MYH15: variants seen among roughly 807,000 people sequenced by gnomAD.
MYH15 encodes myosin-15.
In MYH15, 227 loss-of-function variants were observed where a neutral mutation model predicts 240.5. That is an observed-to-expected ratio of 0.94 (90% CI 0.85 to 1.05). MYH15 has a LOEUF of 1.05. Among genes scored for constraint, MYH15 ranks in the 50% least tolerant of loss-of-function variants. MYH15 has a pLI of 0.00. For synonymous variants in MYH15, 785 were observed against 796.7 expected (o/e 0.99, Z 0.25); for missense variants, 2,217 against 2,247.5 (o/e 0.99, Z 0.27).
intron 14 of MYH15, among the ~76,000 whole-genome samples, chr3:108,465,269 A>C (rs577412002): frequency 6.6e-6 from 1 of 152,344 alleles, no homozygotes; most frequent in East Asian, 1.9e-4. Flanking sequence ...TCTGTGCACA[A>C]GTATTCCAGG....
the MYH15 span, chr3:108,549,972 T>C: frequency 1.3e-5 from 2 of 152,024 alleles, no homozygotes; most frequent in Admixed American, 1.3e-4. Context: ...ATGTATCTCC[T>C]CTATAGAACA....
rs148423745 is a variant in MYH15 at position 108,503,617 on chromosome 3, G to C, written c.196-1762C>G. ...AAATCACATTAAAATACCACTTCAT[G>C]CCCAATAGAATGGCTGTAATCAAAA... On this transcript the variant is annotated intron_variant, in intron 2 of 40. Coordinates refer to ENST00000693548, the MANE Select transcript of MYH15 (RefSeq NM_014981.3). Among the ~76,000 whole-genome samples, 904 of 152,266 alleles carry C rather than the reference G, an allele frequency of 5.9e-3. 7 individuals are homozygous for C. Among genetic ancestry groups the C allele is most frequent in the African/African-American group, 0.021 (869 of 41,554 alleles).
chr3:108,441,148 T>C lies in MYH15; in HGVS notation c.2768A>G (p.Glu923Gly). The C allele has an allele frequency of 1.2e-6, 2 of 1,614,150 alleles. No individual in the cohort carries two copies. Among genetic ancestry groups the C allele is most frequent in the Non-Finnish European group, 1.7e-6 (2 of 1,180,000 alleles). Residue 923 changes from glutamate (E) to glycine (G), a missense_variant, in exon 23 of 41, where the codon GAG (glutamate) becomes GGG (glycine). Physicochemically the swap from Glu to Gly is moderately conservative, Grantham distance 98. Transcript: ENST00000693548. Reference protein sequence around the residue: ...ELSERVEEEEEINSELTARGR... With the variant: ...ELSERVEEEEGINSELTARGR... ...CCTGGCAGTCAGCTCAGAATTTATCTCCTCTTCTTCCTCCACCCTCTCCGA... is the reference window on the plus strand; with the variant it reads ...CCTGGCAGTCAGCTCAGAATTTATCCCCTCTTCTTCCTCCACCCTCTCCGA...
intron 27 of MYH15, among the ~76,000 whole-genome samples, chr3:108,425,869 G>A (rs2082721201): frequency 6.6e-6 from 1 of 152,222 alleles, no homozygotes; most frequent in South Asian, 2.1e-4. Context: ...AAAACAGACA[G>A]TAAAGGCAAT....
the MYH15 span, among the ~76,000 whole-genome samples, chr3:108,539,174 T>C: frequency 5.9e-5 from 9 of 152,324 alleles, no homozygotes; most frequent in African/African-American, 1.7e-4. Flanking sequence ...GTCAACTGTG[T>C]TTCAATTTAA....
At chr3:108,531,372 G>A (rs1013385849), upstream of MYH15, among the ~76,000 whole-genome samples, 3 of 152,144 alleles carry the variant, frequency 2.0e-5, no homozygotes, top group African/African-American at 7.2e-5. Context: ...GTTGTAAAGT[G>A]TCATGGTTCC....
chr3:108,390,089 T>C (rs982781528), intron 37 of MYH15, among the ~76,000 whole-genome samples: 1 of 152,202 alleles, frequency 6.6e-6, no homozygotes. Context: ...CACACAGTTC[T>C]GTCTGTCGGG....
intron 6 of MYH15, among the ~76,000 whole-genome samples, chr3:108,497,024 G>T (rs1165837699): frequency 1.3e-5 from 2 of 151,358 alleles, no homozygotes; most frequent in African/African-American, 4.8e-5. Context: ...AGCCGGGCAC[G>T]GTGGCGGGCA....
intron 27 of MYH15, among the ~76,000 whole-genome samples, chr3:108,425,516 C>T (rs1476353121): frequency 6.6e-6 from 1 of 151,638 alleles, no homozygotes; most frequent in East Asian, 1.9e-4. Flanking sequence ...GAATGGAAAA[C>T]TATGAGATGG....
chr3:108,512,175 A>G (rs1488497875), upstream of MYH15, among the ~76,000 whole-genome samples: 3 of 152,220 alleles, frequency 2.0e-5, no homozygotes, highest in East Asian at 5.8e-4. Flanking sequence ...TCTGCGGGTG[A>G]GCATTCAGAT....
chr3:108,460,378 A>G lies in MYH15; in HGVS notation c.1865-11T>C. 3.2e-6 allele frequency: 5 copies of G among 1,569,568 alleles called. No individual in the cohort carries two copies. The highest frequency in any genetic ancestry group is 4.3e-6 in the Non-Finnish European group (5 of 1,162,046). On this transcript the variant is annotated splice_polypyrimidine_tract_variant and intron_variant, in intron 16 of 40. Transcript: ENST00000693548. ...CCCCAAATGGTATAGCTAGCAAAAA[A>G]AAAAAAAGAAAAAGATGAAAACATG...
intron 1 of MYH15, among the ~76,000 whole-genome samples, chr3:108,519,671 C>A (rs2083601737): frequency 1.3e-5 from 2 of 152,144 alleles, no homozygotes; most frequent in East Asian, 3.8e-4. Flanking sequence ...ATACCACAGT[C>A]AACGGAATAA....
At chr3:108,405,540 G>T in intron 32 of MYH15, 87 bp from the exon 33 acceptor site, 1 of 777,318 alleles carries the variant, frequency 1.3e-6, no homozygotes, top group Non-Finnish European at 1.9e-6. Flanking sequence ...CGCTAATGTA[G>T]CTCTCTTAGA....
chr3:108,412,643 C>T (rs1305209247), intron 30 of MYH15, among the ~76,000 whole-genome samples: 1 of 152,126 alleles, frequency 6.6e-6, no homozygotes, highest in Non-Finnish European at 1.5e-5. Flanking sequence ...AACTTGCCAA[C>T]CATAAGCACC....
chr3:108,463,190 T>C lies in MYH15; in HGVS notation c.1785A>G (p.Glu595=). 6.2e-7 allele frequency: 1 copy of C among 1,613,340 alleles called. No individual in the cohort carries two copies. The highest frequency in any genetic ancestry group is 8.5e-7 in the Non-Finnish European group (1 of 1,179,618). ...WLEKNKDLLN[E]TVVAVFQKSS... ...ACTTCTGAAATACAGCTACCACTGTTTCATTAAGGAGGTCTTTGTTCTTTT... is the reference window on the plus strand; with the variant it reads ...ACTTCTGAAATACAGCTACCACTGTCTCATTAAGGAGGTCTTTGTTCTTTT... The change falls in exon 16 of 41, where the codon GAA becomes GAG. Residue 595 remains glutamate (E), a synonymous_variant. Transcript: ENST00000693548.
intron 30 of MYH15, 81 bp downstream of exon 30, chr3:108,414,151 G>T: frequency 7.0e-7 from 1 of 1,431,822 alleles, no homozygotes. Flanking sequence ...TGCATACCAT[G>T]AGGCCTTGGA....
At chr3:108,473,619 G>A (rs755200705) in intron 12 of MYH15, among the ~76,000 whole-genome samples, 15 of 152,032 alleles carry the variant, frequency 9.9e-5, no homozygotes, top group Non-Finnish European at 2.2e-4. Context: ...CTTGTTATTC[G>A]ATTAAATGAG....
intron 26 of MYH15, among the ~76,000 whole-genome samples, chr3:108,430,354 T>C (rs1183348788): frequency 6.6e-6 from 1 of 152,230 alleles, no homozygotes; most frequent in Non-Finnish European, 1.5e-5. Context: ...TAAATAGCTA[T>C]CCATTATCAA....
intron 27 of MYH15, among the ~76,000 whole-genome samples, chr3:108,427,957 A>G (rs186311455): frequency 6.6e-6 from 1 of 152,346 alleles, no homozygotes; most frequent in Non-Finnish European, 1.5e-5. Context: ...ACCATTTGAC[A>G]TGACAGCTTG....
Sources: gnomAD v4.1 joint callset for allele counts (sites outside exome capture counted in the v4.1 genomes callset) on GRCh38, gnomAD v4.1.1 for gene constraint, MANE v1.5 for transcripts, NCBI Gene and HGNC (gene_info 2026-07-23, HGNC 2026-07-21) for gene names.